BANP: variants seen among roughly 807,000 people sequenced by gnomAD.
The protein encoded by BANP is BTG3 associated nuclear protein, also known as protein BANP.
A neutral mutation model predicts 68.1 loss-of-function variants in BANP; 11 were observed. The observed-to-expected ratio is 0.16, with a 90% CI of 0.10 to 0.27. The LOEUF (loss-of-function observed/expected upper bound fraction) is 0.27. Among genes scored for constraint, BANP ranks in the 10% least tolerant of loss-of-function variants. The pLI is 1.00. For synonymous variants in BANP, 329 were observed against 303.2 expected (o/e 1.09, Z -0.88); for missense variants, 504 against 722.7 (o/e 0.70, Z 3.47).
intron 4 of BANP, among the ~76,000 whole-genome samples, chr16:87,993,893 G>T (rs946697333): frequency 6.6e-6 from 1 of 152,204 alleles, no homozygotes; most frequent in Admixed American, 6.5e-5. Flanking sequence ...GAACCACCAT[G>T]CCCGGCCTGA....
chr16:88,004,201 G>C lies in BANP; in HGVS notation c.363-94G>C. The stretch of plus-strand genomic sequence containing the variant: ...GCCTCCCCCTCAGTGCGGGTCCCTG[G>C]GAGTGGACTGTGTTGAATGACTCTT... On this transcript the variant is annotated intron_variant, in intron 4 of 13. Coordinates refer to ENST00000682872, the MANE Select transcript of BANP (RefSeq NM_001386991.1). This position sits in a 1 kb window ranked among gnomAD's most constrained non-coding sequence, Gnocchi z 7.0. 1.3e-6 allele frequency: 1 copy of C among 788,604 alleles called. No homozygotes were observed. Among genetic ancestry groups the C allele is most frequent in the Non-Finnish European group, 2.2e-6 (1 of 462,992 alleles). 48.9% of individuals were successfully genotyped at this position (788,604 alleles called of 1,614,324 possible).
intron 8 of BANP, among the ~76,000 whole-genome samples, chr16:88,028,662 C>T (rs2077483472): frequency 6.6e-6 from 1 of 152,204 alleles, no homozygotes; most frequent in African/African-American, 2.4e-5. Context: ...AGAGAGGTAG[C>T]AGTCCTGGGG....
intron 1 of BANP, among the ~76,000 whole-genome samples, chr16:87,966,060 A>G: frequency 6.6e-6 from 1 of 152,204 alleles, no homozygotes; most frequent in Non-Finnish European, 1.5e-5. Flanking sequence ...GGATCATATC[A>G]TCCGCACCGC....
At chr16:87,995,471 T>C (rs1278972049) in intron 4 of BANP, among the ~76,000 whole-genome samples, 2 of 152,330 alleles carry the variant, frequency 1.3e-5, no homozygotes, top group East Asian at 1.9e-4. Context: ...TCCTAATAAG[T>C]AGAAAGAAAA....
At chr16:88,031,480 C>CA (rs988277053) in intron 8 of BANP, among the ~76,000 whole-genome samples, 1 of 151,220 alleles carries the variant, frequency 6.6e-6, no homozygotes. Flanking sequence ...CCCTTCTCTA[C>CA]AAAAAAATAC....
At chr16:87,994,636 A>G (rs2066719008) in intron 4 of BANP, among the ~76,000 whole-genome samples, 1 of 152,114 alleles carries the variant, frequency 6.6e-6, no homozygotes, top group Admixed American at 6.5e-5. Context: ...TGATGTTTTT[A>G]TGACTTTTTA....
chr16:87,996,443 G>T (rs112200270), intron 4 of BANP, among the ~76,000 whole-genome samples: 2 of 149,458 alleles, frequency 1.3e-5, no homozygotes, highest in Non-Finnish European at 3.0e-5. Flanking sequence ...GTGTTGCTGG[G>T]CCCTCGTCCG....
intron 6 of BANP, among the ~76,000 whole-genome samples, chr16:88,014,252 C>T (rs1012761337): frequency 4.6e-5 from 7 of 152,146 alleles, no homozygotes; most frequent in Non-Finnish European, 7.4e-5. Flanking sequence ...GTGGAGGGCA[C>T]GGCCAGCCTT....
At chr16:88,013,490 T>C (rs2073752402) in intron 6 of BANP, among the ~76,000 whole-genome samples, 1 of 151,992 alleles carries the variant, frequency 6.6e-6, no homozygotes, top group Non-Finnish European at 1.5e-5. Flanking sequence ...CCATGCCTAG[T>C]TCCTAGACCG....
At chr16:87,979,860 G>A (rs1054227702) in intron 2 of BANP, among the ~76,000 whole-genome samples, 2 of 152,160 alleles carry the variant, frequency 1.3e-5, no homozygotes, top group African/African-American at 4.8e-5. Flanking sequence ...AGCTACTTGG[G>A]CTGAGGTGGG....
chr16:87,971,469 C>G (rs964865460), intron 1 of BANP, among the ~76,000 whole-genome samples: 2 of 151,980 alleles, frequency 1.3e-5, no homozygotes, highest in Admixed American at 1.3e-4. Context: ...GCTCACATAT[C>G]TTTCCTTGTG....
chr16:87,991,863 C>G (rs994515698), intron 4 of BANP, among the ~76,000 whole-genome samples: 1 of 152,098 alleles, frequency 6.6e-6, no homozygotes, highest in African/African-American at 2.4e-5. Flanking sequence ...TCTATACCTT[C>G]TCTTACTTTA....
chr16:88,072,694 T>C (rs1339170305), intron 13 of BANP, among the ~76,000 whole-genome samples: 1 of 152,174 alleles, frequency 6.6e-6, no homozygotes, highest in Non-Finnish European at 1.5e-5. Flanking sequence ...AGCATCTCCA[T>C]ACCTCGCAGG....
chr16:88,053,663 T>TCAC (rs773231334), intron 11 of BANP, among the ~76,000 whole-genome samples: 53 of 93,880 alleles, frequency 5.6e-4, no homozygotes, highest in South Asian at 1.2e-3. Flanking sequence ...ACAGTCACCT[T>TCAC]CACCACCACC....
intron 1 of BANP, among the ~76,000 whole-genome samples, chr16:87,963,879 G>T (rs990187053): frequency 6.6e-6 from 1 of 152,148 alleles, no homozygotes; most frequent in African/African-American, 2.4e-5. Context: ...AGTTACAGTG[G>T]GTTTCCTTTT....
intron 2 of BANP, among the ~76,000 whole-genome samples, chr16:87,978,944 AT>A (rs1364778284): frequency 6.6e-6 from 1 of 152,220 alleles, no homozygotes; most frequent in Non-Finnish European, 1.5e-5. Context: ...TTTGTCTAAA[AT>A]TGACTACAAA....
intron 1 of BANP, among the ~76,000 whole-genome samples, chr16:87,967,467 G>GT (rs1046153495): frequency 2.0e-5 from 3 of 151,574 alleles, no homozygotes; most frequent in Middle Eastern, 3.4e-3. Flanking sequence ...TTTTTGATTT[G>GT]TTTTTTTGAG....
At chr16:88,032,140 C>T (rs1422989036) in intron 8 of BANP, among the ~76,000 whole-genome samples, 1 of 151,846 alleles carries the variant, frequency 6.6e-6, no homozygotes, top group Non-Finnish European at 1.5e-5. Context: ...TTATGTCTTT[C>T]ATTTTTCTCC....
chr16:87,972,273 A>G (rs1282542483), intron 1 of BANP, among the ~76,000 whole-genome samples: 3 of 151,914 alleles, frequency 2.0e-5, no homozygotes, highest in South Asian at 2.1e-4. Flanking sequence ...TTCTAGTTTA[A>G]TCTTCATTTC....
Sources: allele counts gnomAD v4.1 joint callset (sites outside exome capture counted in the v4.1 genomes callset), GRCh38; gene constraint gnomAD v4.1.1; non-coding constraint Gnocchi (gnomAD v3.1); transcripts MANE v1.5; gene names NCBI Gene and HGNC (gene_info 2026-07-23, HGNC 2026-07-21).